FGF10: variants seen among roughly 807,000 people sequenced by gnomAD.
The protein encoded by FGF10 is FGF-10.
A neutral mutation model predicts 19.8 loss-of-function variants in FGF10; 2 were observed. The observed-to-expected ratio is 0.10, with a 90% CI of 0.04 to 0.32. The LOEUF (loss-of-function observed/expected upper bound fraction) is 0.32. Ranked by LOEUF, FGF10 falls within the 10% of genes least tolerant of loss-of-function variation. The pLI, the probability that FGF10 is intolerant of heterozygous loss-of-function variation, is 1.00. For missense variants in FGF10, 191 were observed against 246.3 expected, an observed-to-expected ratio of 0.78 and a Z score of 1.50; for synonymous variants, 112 against 94.0, an observed-to-expected ratio of 1.19 and a Z score of -1.10.
chr5:44,369,782 T>C (rs1188727077), intron 1 of FGF10, among the ~76,000 whole-genome samples: 1 of 152,120 alleles, frequency 6.6e-6, no homozygotes, highest in Non-Finnish European at 1.5e-5. Flanking sequence ...AATTACCCCC[T>C]TTTTATAGAA....
chr5:44,358,384 A>G (rs1741398528), intron 1 of FGF10, among the ~76,000 whole-genome samples: 1 of 151,504 alleles, frequency 6.6e-6, no homozygotes, highest in Admixed American at 6.6e-5. Context: ...TAGGGAATTT[A>G]TGTTCAAGAT....
At chr5:44,351,966 C>T (rs1253823075) in intron 1 of FGF10, among the ~76,000 whole-genome samples, 1 of 151,544 alleles carries the variant, frequency 6.6e-6, no homozygotes, top group African/African-American at 2.4e-5. Context: ...ACTACTACTA[C>T]TAATTTTAAT....
At chr5:44,353,266 C>A (rs1579927048) in intron 1 of FGF10, among the ~76,000 whole-genome samples, 1 of 151,490 alleles carries the variant, frequency 6.6e-6, no homozygotes, top group Non-Finnish European at 1.5e-5. Context: ...GTCTAAATGA[C>A]CTGTTTGTTA....
chr5:44,335,399 TAGTA>T (rs1439491165), intron 1 of FGF10, among the ~76,000 whole-genome samples: 2 of 152,092 alleles, frequency 1.3e-5, no homozygotes, highest in Non-Finnish European at 2.9e-5. Context: ...GTGTTCTACT[TAGTA>T]TGTATCTTAG....
intron 1 of FGF10, among the ~76,000 whole-genome samples, chr5:44,332,049 C>T (rs1740746773): frequency 6.6e-6 from 1 of 151,990 alleles, no homozygotes; most frequent in Non-Finnish European, 1.5e-5. Flanking sequence ...ACTATTAAAC[C>T]CAATAGATGT....
intron 1 of FGF10, among the ~76,000 whole-genome samples, chr5:44,337,667 C>T (rs1247670472): frequency 2.6e-5 from 4 of 152,132 alleles, no homozygotes; most frequent in African/African-American, 7.2e-5. Context: ...TAGGGCCCAG[C>T]GTGGTGGCTC....
At chr5:44,381,787 TC>T (rs2111920556) in intron 1 of FGF10, among the ~76,000 whole-genome samples, 1 of 152,326 alleles carries the variant, frequency 6.6e-6, no homozygotes, top group South Asian at 2.1e-4. Context: ...TTAAAAAAGT[TC>T]TAAATCTTGC....
At chr5:44,379,490 T>G (rs779537040) in intron 1 of FGF10, among the ~76,000 whole-genome samples, 1 of 152,230 alleles carries the variant, frequency 6.6e-6, no homozygotes, top group Non-Finnish European at 1.5e-5. Flanking sequence ...CCTACAGGTC[T>G]GCGGCTTCAA....
intron 1 of FGF10, among the ~76,000 whole-genome samples, chr5:44,318,380 C>T (rs1017969743): frequency 6.6e-6 from 1 of 151,972 alleles, no homozygotes; most frequent in Non-Finnish European, 1.5e-5. Context: ...TTTTCTTTCC[C>T]CTCATTTCCT....
chr5:44,360,390 C>T (rs2111851168), intron 1 of FGF10, among the ~76,000 whole-genome samples: 1 of 151,592 alleles, frequency 6.6e-6, no homozygotes, highest in Admixed American at 6.6e-5. Flanking sequence ...GTTTTCCCTG[C>T]TAATCTTTAA....
intron 1 of FGF10, among the ~76,000 whole-genome samples, chr5:44,354,442 T>C (rs181375404): frequency 9.7e-4 from 147 of 151,644 alleles, no homozygotes; most frequent in Middle Eastern, 3.4e-3. Flanking sequence ...AACTATCTCA[T>C]ACTAAAGGAC....
intron 1 of FGF10, among the ~76,000 whole-genome samples, chr5:44,331,539 T>G (rs1470182410): frequency 6.6e-6 from 1 of 152,180 alleles, no homozygotes; most frequent in East Asian, 1.9e-4. Flanking sequence ...CATTGACATT[T>G]AAAACATTCT....
chr5:44,306,300 G>A (rs1740074488), intron 2 of FGF10, among the ~76,000 whole-genome samples: 1 of 152,190 alleles, frequency 6.6e-6, no homozygotes, highest in African/African-American at 2.4e-5. Flanking sequence ...GGCAGGCTGA[G>A]GCAGGAGAGT....
intron 1 of FGF10, among the ~76,000 whole-genome samples, chr5:44,310,941 A>G (rs1740197160): frequency 6.6e-6 from 1 of 152,156 alleles, no homozygotes; most frequent in African/African-American, 2.4e-5. Flanking sequence ...TCTGTAGCAC[A>G]TGTCAATAAT....
rs17234366 is a variant in FGF10 at position 44,328,218 on chromosome 5, C to T, written c.326-17688G>A. 1.3e-3 allele frequency among the ~76,000 whole-genome samples: 199 copies of T among 152,196 alleles called. 1 individual carries two copies. The highest frequency in any genetic ancestry group is 4.6e-3 in the African/African-American group (192 of 41,534). ...CCCTTGCTGGCTAACTACTAAACAA[C>T]GTAATCGCATTGGAAAGTCAGAGAT... On this transcript the variant is annotated intron_variant, in intron 1 of 2. Coordinates refer to ENST00000264664, the MANE Select transcript of FGF10 (RefSeq NM_004465.2).
chr5:44,381,941 A>T (rs764804369), intron 1 of FGF10, among the ~76,000 whole-genome samples: 2 of 152,124 alleles, frequency 1.3e-5, no homozygotes, highest in South Asian at 4.1e-4. Flanking sequence ...TTTGCCTTCT[A>T]TTAGGGTTAG....
intron 1 of FGF10, among the ~76,000 whole-genome samples, chr5:44,355,241 T>G (rs141616155): frequency 3.3e-5 from 5 of 151,534 alleles, no homozygotes; most frequent in Admixed American, 1.3e-4. Context: ...AATCTCATCT[T>G]ACCAAACCAC....
intron 1 of FGF10, among the ~76,000 whole-genome samples, chr5:44,370,949 A>G (rs1430838872): frequency 1.3e-5 from 2 of 152,124 alleles, no homozygotes; most frequent in African/African-American, 4.8e-5. Flanking sequence ...GTTAGTTTCA[A>G]AGAGTAAATA....
chr5:44,377,249 C>T (rs1741888030), intron 1 of FGF10, among the ~76,000 whole-genome samples: 1 of 152,186 alleles, frequency 6.6e-6, no homozygotes, highest in Non-Finnish European at 1.5e-5. Context: ...TTAAATTCTG[C>T]CCTGCTTCTT....
Sources: allele counts gnomAD v4.1 joint callset (sites outside exome capture counted in the v4.1 genomes callset), GRCh38; gene constraint gnomAD v4.1.1; transcripts MANE v1.5; gene names NCBI Gene and HGNC (gene_info 2026-07-23, HGNC 2026-07-21).